The following TYW1 variants were observed in gnomAD, a reference collection of about 807,000 sequenced individuals.
TYW1 encodes S-adenosyl-L-methionine-dependent tRNA 4-demethylwyosine synthase TYW1.
In TYW1, 46 loss-of-function variants were observed where a neutral mutation model predicts 96.2. That is an observed-to-expected ratio of 0.48 (90% CI 0.38 to 0.61). The LOEUF is 0.61. Among genes scored for constraint, TYW1 ranks in the 20% least tolerant of loss-of-function variants. The pLI is 0.00. For missense variants in TYW1, 684 were observed against 909.6 expected (o/e 0.75, Z 3.19); for synonymous variants, 274 against 323.0 (o/e 0.85, Z 1.63).
chr7:67,144,640 T>C (rs1419462061), intron 13 of TYW1, among the ~76,000 whole-genome samples: 1 of 152,210 alleles, frequency 6.6e-6, no homozygotes, highest in East Asian at 1.9e-4. Flanking sequence ...CTGGCTAATT[T>C]TTGTATTTTT....
At chr7:67,133,972 C>T (rs1305950220) in intron 13 of TYW1, among the ~76,000 whole-genome samples, 1 of 151,918 alleles carries the variant, frequency 6.6e-6, no homozygotes, top group Non-Finnish European at 1.5e-5. Flanking sequence ...TAATATCCCT[C>T]CTCAGCAGCA....
chr7:67,206,818 C>T (rs1184994358), intron 15 of TYW1, among the ~76,000 whole-genome samples: 2 of 152,080 alleles, frequency 1.3e-5, no homozygotes, highest in African/African-American at 4.8e-5. Context: ...CTTGTTTATG[C>T]CGCTAATTCC....
intron 15 of TYW1, among the ~76,000 whole-genome samples, chr7:67,207,683 T>C (rs1270293892): frequency 9.0e-6 from 1 of 111,576 alleles, no homozygotes; most frequent in Non-Finnish European, 2.1e-5. Context: ...TTGTTTGCCT[T>C]TTTTTTTTTT....
chr7:67,030,714 A>G (rs62466624), intron 7 of TYW1, among the ~76,000 whole-genome samples: 5,913 of 151,864 alleles, frequency 0.039, 109 homozygotes, highest in Middle Eastern at 0.1. Context: ...GGCTGGTTTC[A>G]GGACTGGTGA....
intron 7 of TYW1, among the ~76,000 whole-genome samples, chr7:67,029,264 C>A (rs1314920801): frequency 1.3e-5 from 2 of 151,104 alleles, no homozygotes; most frequent in Non-Finnish European, 2.9e-5. Flanking sequence ...GGATTACAGG[C>A]GTGAGCTACC....
chr7:67,035,552 C>T (rs1794809720), intron 7 of TYW1, among the ~76,000 whole-genome samples: 1 of 152,080 alleles, frequency 6.6e-6, no homozygotes, highest in African/African-American at 2.4e-5. Context: ...TGATAATTTG[C>T]TAGAAAAACG....
intron 15 of TYW1, 26 bp from the exon 16 acceptor site, chr7:67,238,282 G>A (rs1211923236): frequency 1.9e-6 from 3 of 1,588,134 alleles, no homozygotes; most frequent in African/African-American, 2.7e-5. Flanking sequence ...TTTTACTTCT[G>A]ACTTGACACA....
intron 15 of TYW1, among the ~76,000 whole-genome samples, chr7:67,224,709 C>T (rs534570190): frequency 2.0e-5 from 3 of 152,314 alleles, no homozygotes; most frequent in South Asian, 2.1e-4. Context: ...TTCATCACCA[C>T]GAAGAAAATG....
chr7:67,098,799 C>T (rs1337790203), intron 12 of TYW1, 81 bp downstream of exon 12: 2 of 1,403,600 alleles, frequency 1.4e-6, no homozygotes, highest in Non-Finnish European at 1.9e-6. Context: ...TTAATGCAAT[C>T]AAATAGGATT....
chr7:67,230,150 C>T, intron 15 of TYW1, among the ~76,000 whole-genome samples: 1 of 151,948 alleles, frequency 6.6e-6, no homozygotes, highest in Non-Finnish European at 1.5e-5. Flanking sequence ...GCACATCTAT[C>T]ACTTAGCTTT....
chr7:67,094,496 A>G (rs921735764), intron 11 of TYW1, among the ~76,000 whole-genome samples: 1 of 152,190 alleles, frequency 6.6e-6, no homozygotes, highest in Non-Finnish European at 1.5e-5. Context: ...GTTTTGCTTT[A>G]ATAATAGCCA....
intron 15 of TYW1, among the ~76,000 whole-genome samples, chr7:67,234,926 AT>A (rs1401165582): frequency 2.7e-5 from 4 of 148,364 alleles, no homozygotes; most frequent in Non-Finnish European, 5.9e-5. Context: ...AGATTGAGAT[AT>A]AAAGTATATT....
intron 13 of TYW1, among the ~76,000 whole-genome samples, chr7:67,171,706 G>A (rs1415472963): frequency 6.6e-6 from 1 of 152,008 alleles, no homozygotes; most frequent in Non-Finnish European, 1.5e-5. Flanking sequence ...CATATTTTGG[G>A]TGAATTGGCC....
At chr7:67,121,796 A>G (rs1481532728) in intron 13 of TYW1, among the ~76,000 whole-genome samples, 1 of 151,088 alleles carries the variant, frequency 6.6e-6, no homozygotes, top group Non-Finnish European at 1.5e-5. Context: ...AAGGTAGCAT[A>G]TTTTGTTTTT....
intron 13 of TYW1, among the ~76,000 whole-genome samples, chr7:67,137,570 G>A (rs1798305381): frequency 6.6e-6 from 1 of 152,194 alleles, no homozygotes; most frequent in Non-Finnish European, 1.5e-5. Flanking sequence ...ATGCTTTTAA[G>A]CACAGGAATC....
intron 11 of TYW1, among the ~76,000 whole-genome samples, chr7:67,096,099 G>A (rs1796902617): frequency 6.6e-6 from 1 of 152,086 alleles, no homozygotes; most frequent in African/African-American, 2.4e-5. Context: ...TTCAAAGATG[G>A]CCAATAATGG....
At chr7:67,073,451 A>G (rs1446853213) in intron 10 of TYW1, among the ~76,000 whole-genome samples, 1 of 152,174 alleles carries the variant, frequency 6.6e-6, no homozygotes, top group Non-Finnish European at 1.5e-5. Flanking sequence ...AGTGAAGGGT[A>G]TTGCTGGAAC....
intron 13 of TYW1, among the ~76,000 whole-genome samples, chr7:67,159,567 C>T (rs4717350): frequency 0.04 from 6,107 of 151,896 alleles, 176 homozygotes; most frequent in Middle Eastern, 0.1. Flanking sequence ...GTAAGTTCAA[C>T]TCACCAGTAT....
chr7:67,036,208 C>T (rs1211620722), intron 7 of TYW1, among the ~76,000 whole-genome samples: 1 of 150,462 alleles, frequency 6.6e-6, no homozygotes, highest in African/African-American at 2.4e-5. Flanking sequence ...CTCCCCCTCC[C>T]TCCCCAAGGT....
Sources: gnomAD v4.1 joint callset for allele counts (sites outside exome capture counted in the v4.1 genomes callset) on GRCh38, gnomAD v4.1.1 for gene constraint, MANE v1.5 for transcripts, NCBI Gene and HGNC (gene_info 2026-07-23, HGNC 2026-07-21) for gene names.